The following PPIG variants were observed in gnomAD, a reference collection of about 807,000 sequenced individuals.
The protein encoded by PPIG is peptidyl-prolyl cis-trans isomerase G.
PPIG carries 26 observed loss-of-function variants against 87.9 expected under a neutral mutation model. The ratio of observed to expected loss-of-function variants is 0.30; its 90% confidence interval spans 0.22 to 0.41. The LOEUF is 0.41. PPIG is among the 10% of genes least tolerant of loss of function. PPIG has a pLI of 1.00. For missense variants in PPIG, 722 were observed against 879.4 expected, an observed-to-expected ratio of 0.82 and a Z score of 2.26; for synonymous variants, 308 against 276.5, an observed-to-expected ratio of 1.11 and a Z score of -1.13.
rs76754479 is a variant in PPIG at position 169,608,672 on chromosome 2, C to T, written c.291C>T (p.Asp97=). Residue 97 remains aspartate, a splice_region_variant and synonymous_variant, in exon 7 of 14, where the codon GAC becomes GAT. Coordinates refer to ENST00000260970, the MANE Select transcript of PPIG (RefSeq NM_004792.3). ...ACTGAAAACTTTACTTCTCTATAGA[C>T]GAGAGTTTCGCTGTTAAACACAACA... ...GESIYGGFFE[D]ESFAVKHNKE... The T allele has an allele frequency of 7.7e-4, 1,229 of 1,603,664 alleles. 9 individuals carry two copies. In the East Asian group the frequency reaches 0.023, roughly 30 times the overall value.
rs201945812 is a variant in PPIG at position 169,604,030 on chromosome 2, A to G, written c.-12A>G. 3.7e-6 allele frequency: 6 copies of G among 1,611,970 alleles called. No individual in the cohort carries two copies. Among genetic ancestry groups the G allele is most frequent in the Admixed American group, 1.7e-5 (1 of 59,908 alleles). ...GAAACTGTATTTTACTCACAGATTAAGTATTGGAGCCATGGGAATAAAGGT... is the reference window on the plus strand; with the variant it reads ...GAAACTGTATTTTACTCACAGATTAGGTATTGGAGCCATGGGAATAAAGGT... On this transcript the variant is annotated 5_prime_UTR_variant, in exon 3 of 14. Transcript: ENST00000260970.
chr2:169,589,397 C>T (rs556649650), intron 1 of PPIG, among the ~76,000 whole-genome samples: 5 of 152,066 alleles, frequency 3.3e-5, no homozygotes, highest in South Asian at 2.1e-4. Flanking sequence ...GTTTTTGATG[C>T]GGTGCATTTT....
intron 7 of PPIG, among the ~76,000 whole-genome samples, chr2:169,609,290 C>T (rs1331395277): frequency 6.6e-6 from 1 of 151,868 alleles, no homozygotes; most frequent in Non-Finnish European, 1.5e-5. Context: ...CTCACCACAG[C>T]CTCGACCTCC....
intron 1 of PPIG, among the ~76,000 whole-genome samples, chr2:169,592,264 A>G (rs1684885507): frequency 7.3e-6 from 1 of 137,372 alleles, no homozygotes; most frequent in African/African-American, 2.7e-5. Context: ...AATTGACCAG[A>G]TGTTTGTCTT....
chr2:169,615,756 C>T (rs1574454181), intron 9 of PPIG, among the ~76,000 whole-genome samples: 1 of 152,272 alleles, frequency 6.6e-6, no homozygotes, highest in Non-Finnish European at 1.5e-5. Context: ...CAGCAGTGAA[C>T]ATGAGAGTGA....
In PPIG at chr2:169,639,983, G is replaced by A. The variant is rs915341689; in HGVS notation, c.*2460G>A. ...ATTTAAACTGATTTATTGCTCAATT[G>A]GTGATAGCTGAGAAAATTTTTTCAA... On this transcript the variant is annotated 3_prime_UTR_variant, in exon 14 of 14. Coordinates refer to ENST00000260970, the MANE Select transcript of PPIG (RefSeq NM_004792.3). The A allele has an allele frequency of 1.3e-5, 2 of 151,996 alleles. No homozygotes were observed. Among genetic ancestry groups the A allele is most frequent in the Non-Finnish European group, 2.9e-5 (2 of 67,978 alleles). 9.4% of individuals were successfully genotyped at this position (151,996 alleles called of 1,614,324 possible). A position where few individuals can be genotyped will look rare whatever the true frequency, so the allele number is the denominator to read the frequency against.
chr2:169,632,804 T>C (rs540411191), intron 11 of PPIG, among the ~76,000 whole-genome samples: 1 of 151,766 alleles, frequency 6.6e-6, no homozygotes, highest in South Asian at 2.1e-4. Flanking sequence ...ATTGAAATAT[T>C]TTTCTTAGTT....
At chr2:169,629,431 CTG>C (rs1219594281) in intron 9 of PPIG, among the ~76,000 whole-genome samples, 1 of 152,096 alleles carries the variant, frequency 6.6e-6, no homozygotes, top group Non-Finnish European at 1.5e-5. Context: ...TAATTTTTTG[CTG>C]TGTGAATCAA....
Position 169,630,874 on chromosome 2 carries a change from C to A in PPIG, c.648C>A (p.Ser216=). ...GTGATTCTCAGTCCTCTTCTGATTC[C>A]TCTGATTCCGAAAGTGCTACTGAAG... The part of the protein sequence containing the change: ...SSSDSQSSSD[S]SDSESATEEK... Residue 216 remains serine (S), a synonymous_variant, in exon 10 of 14, where the codon TCC becomes TCA. Transcript: ENST00000260970. 1 of 1,610,498 alleles carries A rather than the reference C, an allele frequency of 6.2e-7. No individual in the cohort carries two copies. The highest frequency in any genetic ancestry group is 8.5e-7 in the Non-Finnish European group (1 of 1,178,878).
intron 9 of PPIG, among the ~76,000 whole-genome samples, chr2:169,616,362 TA>T (rs2105502302): frequency 6.6e-6 from 1 of 152,240 alleles, no homozygotes; most frequent in African/African-American, 2.4e-5. Context: ...GGTATATACC[TA>T]GTAATGGGAT....
intron 2 of PPIG, 115 bp from the exon 3 acceptor site, chr2:169,603,911 C>A: frequency 1.3e-6 from 1 of 776,084 alleles, no homozygotes; most frequent in Non-Finnish European, 2.1e-6. Context: ...AAATAAATAT[C>A]AAAATAAATT....
At position 169,631,931 on chromosome 2, in the gene PPIG, G is replaced by A. The variant is rs1314351390; in HGVS notation, c.927G>A (p.Glu309=). 5.7e-6 allele frequency: 9 copies of A among 1,572,572 alleles called. No individual in the cohort carries two copies. Among genetic ancestry groups the A allele is most frequent in the East Asian group, 2.3e-5 (1 of 44,320 alleles). Residue 309 remains glutamate (E), a splice_region_variant and synonymous_variant, in exon 11 of 14, where the codon GAG becomes GAA. Transcript: ENST00000260970. ...RKNRERERER[E]CNPPNSQPAS... ...ACAGAGAGAGAGAAAGGGAAAGAGA[G>A]TGGTATGTGAATATGTATATTTTGC...
chr2:169,631,328 C>T (rs953903466), intron 10 of PPIG: 8 of 290,768 alleles, frequency 2.8e-5, no homozygotes, highest in African/African-American at 9.1e-5. Flanking sequence ...TTTGCTCTTA[C>T]GATAGCATAA....
At position 169,639,538 on chromosome 2, in the gene PPIG, G is replaced by GA. The variant is rs1236182639; in HGVS notation, c.*2022dup. 2.6e-5 allele frequency: 4 copies of GA among 151,808 alleles called. No homozygotes were observed. The highest frequency in any genetic ancestry group is 4.4e-5 in the Non-Finnish European group (3 of 67,892). 9.4% of individuals were successfully genotyped at this position (151,808 alleles called of 1,614,324 possible). ...TAGAGTTTCAAAAAGTAACCATAGG[G>GA]AAAAAAATTGTAGTAATTTCTATAG... On this transcript the variant is annotated 3_prime_UTR_variant, in exon 14 of 14. Transcript: ENST00000260970.
At chr2:169,626,924 G>A (rs981587916) in intron 9 of PPIG, among the ~76,000 whole-genome samples, 22 of 152,156 alleles carry the variant, frequency 1.4e-4, no homozygotes, top group Admixed American at 1.4e-3. Flanking sequence ...TGGCCAGGCT[G>A]GTCTCGAACC....
Position 169,599,870 on chromosome 2 carries a change from G to T in PPIG, c.-69-3772G>T, listed in dbSNP as rs1259368805. Among the ~76,000 whole-genome samples the T allele has an allele frequency of 2.0e-5, 3 of 152,136 alleles. No homozygotes were observed. The South Asian group carries it at 6.2e-4, about 32-fold the overall frequency. ...TAATATTCTCAGCAACTATGACAATGTATTTTCCCCAATTTTTTTCTTTTT... is the reference window on the plus strand; with the variant it reads ...TAATATTCTCAGCAACTATGACAATTTATTTTCCCCAATTTTTTTCTTTTT... On this transcript the variant is annotated intron_variant, in intron 1 of 13. Coordinates refer to ENST00000260970, the MANE Select transcript of PPIG (RefSeq NM_004792.3).
chr2:169,617,795 G>A (rs1031321990), intron 9 of PPIG, among the ~76,000 whole-genome samples: 2 of 152,168 alleles, frequency 1.3e-5, no homozygotes, highest in Non-Finnish European at 2.9e-5. Flanking sequence ...CATGTCATCT[G>A]CAAACAGAGA....
intron 1 of PPIG, among the ~76,000 whole-genome samples, chr2:169,590,436 C>T (rs904728836): frequency 2.6e-5 from 4 of 152,066 alleles, no homozygotes; most frequent in Admixed American, 6.6e-5. Context: ...GTCAGGAGAT[C>T]GAGACCATCC....
intron 9 of PPIG, among the ~76,000 whole-genome samples, chr2:169,630,244 A>G (rs1365322520): frequency 6.6e-6 from 1 of 151,964 alleles, no homozygotes; most frequent in Non-Finnish European, 1.5e-5. Context: ...TCTATTCATC[A>G]TGGGCAATTG....
Sources: gnomAD v4.1 joint callset for allele counts (sites outside exome capture counted in the v4.1 genomes callset) on GRCh38, gnomAD v4.1.1 for gene constraint, MANE v1.5 for transcripts, NCBI Gene and HGNC (gene_info 2026-07-23, HGNC 2026-07-21) for gene names.